CRYBG3: variants seen among roughly 807,000 people sequenced by gnomAD.
CRYBG3 encodes the protein very large A-kinase anchor protein.
Under a neutral mutation model 244.2 loss-of-function variants are expected in CRYBG3, and 127 were observed. The ratio of observed to expected loss-of-function variants is 0.52; its 90% CI spans 0.45 to 0.60. The LOEUF is 0.60. Ranked by LOEUF, CRYBG3 falls within the 20% of genes least tolerant of loss-of-function variation. The pLI, the probability that CRYBG3 is intolerant of heterozygous loss-of-function variation, is 0.00. For synonymous variants in CRYBG3, 1,132 were observed against 1,195.8 expected, an observed-to-expected ratio of 0.95 and a Z score of 1.10; for missense variants, 3,325 against 3,442.5, an observed-to-expected ratio of 0.97 and a Z score of 0.85.
chr3:97,905,986 A>G (rs1238791930), intron 15 of CRYBG3, among the ~76,000 whole-genome samples: 4 of 146,194 alleles, frequency 2.7e-5, no homozygotes, highest in East Asian at 4.0e-4. Flanking sequence ...TCCCAGCACC[A>G]TTTATTAAAT....
rs772860510 is a variant in CRYBG3 at position 97,900,498 on chromosome 3, AT to A, written c.8004+14del. The stretch of plus-strand genomic sequence containing the variant: ...ACCTCCGCATTTGGTATGTTTAAAA[AT>A]ATTCTTGTAATTGTTAAATTGTTTA... On this transcript the variant is annotated intron_variant, in intron 15 of 21. Transcript: ENST00000389622. The A allele has an allele frequency of 1.4e-5, 21 of 1,499,908 alleles. No homozygotes were observed. The highest frequency in any genetic ancestry group is 1.5e-5 in the Non-Finnish European group (16 of 1,080,498). The allele number at this position is 1,499,908 out of a possible 1,614,324, so 92.9% of individuals were successfully genotyped here. A position where few individuals can be genotyped will look rare whatever the true frequency, so the allele number is the denominator to read the frequency against.
rs1409789576 is a variant in CRYBG3 at position 97,889,533 on chromosome 3, T to G, written c.7440+143T>G. 4 of 687,176 alleles carry G rather than the reference T, an allele frequency of 5.8e-6. No individual in the cohort carries two copies. The Admixed American group carries it at 7.3e-5, about 13-fold the overall frequency. 42.6% of individuals were successfully genotyped at this position (687,176 alleles called of 1,614,324 possible). ...GGATTTTGGGGAGGTGGGAAGTGAA[T>G]GCACAAAATGTTTGATGAGGGCCCA... On this transcript the variant is annotated intron_variant, in intron 10 of 21. Transcript: ENST00000389622.
intron 19 of CRYBG3, among the ~76,000 whole-genome samples, chr3:97,938,252 C>A (rs1466302148): frequency 1.3e-5 from 2 of 152,126 alleles, no homozygotes; most frequent in Admixed American, 6.6e-5. Context: ...CTACCTGTGA[C>A]AATAAAAGCA....
intron 2 of CRYBG3, among the ~76,000 whole-genome samples, chr3:97,851,919 T>C (rs2038991890): frequency 6.6e-6 from 1 of 152,176 alleles, no homozygotes; most frequent in Non-Finnish European, 1.5e-5. Flanking sequence ...ATAACACTAT[T>C]CTAGGGGGCG....
chr3:97,872,034 G>A lies in CRYBG3; in HGVS notation c.840G>A (p.Leu280=). 6.5e-7 allele frequency: 1 copy of A among 1,535,690 alleles called. No individual in the cohort carries two copies. Among genetic ancestry groups the A allele is most frequent in the Non-Finnish European group, 8.7e-7 (1 of 1,146,656 alleles). ...DPGSEIEAGV[L]PLLLSASTDS... ...GAAGTGAGATTGAGGCTGGGGTACTGCCACTGTTGTTATCAGCTAGTACAG... is the reference window on the plus strand; with the variant it reads ...GAAGTGAGATTGAGGCTGGGGTACTACCACTGTTGTTATCAGCTAGTACAG... Residue 280 remains leucine, a synonymous_variant, in exon 4 of 22, where the codon CTG becomes CTA. Coordinates refer to ENST00000389622, the MANE Select transcript of CRYBG3 (RefSeq NM_153605.4).
chr3:97,849,444 A>C lies in CRYBG3; in HGVS notation c.216+6183A>C, dbSNP rs568667261. 2.6e-5 allele frequency among the ~76,000 whole-genome samples: 4 copies of C among 152,284 alleles called. No individual in the cohort carries two copies. In the East Asian group the frequency reaches 7.7e-4, roughly 29 times the overall value. On this transcript the variant is annotated intron_variant, in intron 2 of 21. Coordinates refer to ENST00000389622, the MANE Select transcript of CRYBG3 (RefSeq NM_153605.4). ...CTTGCCTCTTGATTGCTTCTAAAAA[A>C]AAAAAGTGAGTGCTACTGGAGTGCC...
At chr3:97,930,946 T>C (rs1267318503) in intron 17 of CRYBG3, among the ~76,000 whole-genome samples, 1 of 152,048 alleles carries the variant, frequency 6.6e-6, no homozygotes, top group Non-Finnish European at 1.5e-5. Flanking sequence ...CTTTCCAAAG[T>C]GATCTTTTTC....
In CRYBG3 at chr3:97,907,324, C is replaced by T. The variant is rs145476751; in HGVS notation, c.8005-4843C>T. On this transcript the variant is annotated intron_variant, in intron 15 of 21. Coordinates refer to ENST00000389622, the MANE Select transcript of CRYBG3 (RefSeq NM_153605.4). ...TGGAATAGTTTCAAAAGGATTGGTA[C>T]CAGTTCCTCCTTGTACCTCTGGTAG... Among the ~76,000 whole-genome samples, 106 of 152,228 alleles carry T rather than the reference C, an allele frequency of 7.0e-4. 1 individual carries two copies. The East Asian group carries it at 0.02, about 29-fold the overall frequency.
chr3:97,908,264 C>T (rs570597597), intron 15 of CRYBG3, among the ~76,000 whole-genome samples: 143 of 152,142 alleles, frequency 9.4e-4, no homozygotes, highest in African/African-American at 2.5e-3. Flanking sequence ...CTATTAGGTC[C>T]GCTTGGTGCA....
Position 97,875,325 on chromosome 3 carries a change from A to G in CRYBG3, c.4131A>G (p.Leu1377=), listed in dbSNP as rs993888215. 1.4e-5 allele frequency: 20 copies of G among 1,434,284 alleles called. No individual in the cohort carries two copies. In the African/African-American group the frequency reaches 1.9e-4, roughly 13 times the overall value. 88.8% of individuals were successfully genotyped at this position (1,434,284 alleles called of 1,614,324 possible). ...CACAAATTAGTGAAAATAAAGTATTAAATGAATTCTTCTCCCTAAGTAACT... is the reference window on the plus strand; with the variant it reads ...CACAAATTAGTGAAAATAAAGTATTGAATGAATTCTTCTCCCTAAGTAACT... ...QSTQISENKV[L]NEFFSLSNLA... The change falls in exon 4 of 22, where the codon TTA becomes TTG. Residue 1377 remains leucine (L), a synonymous_variant. Coordinates refer to ENST00000389622, the MANE Select transcript of CRYBG3 (RefSeq NM_153605.4).
At chr3:97,938,749 T>C (rs942903925) in intron 19 of CRYBG3, among the ~76,000 whole-genome samples, 9 of 152,184 alleles carry the variant, frequency 5.9e-5, no homozygotes, top group South Asian at 2.1e-4. Flanking sequence ...CAGTCTGATA[T>C]GGCTCTGGCT....
intron 12 of CRYBG3, among the ~76,000 whole-genome samples, chr3:97,896,922 C>G (rs570158733): frequency 6.6e-6 from 1 of 151,736 alleles, no homozygotes; most frequent in Non-Finnish European, 1.5e-5. Context: ...TTAGGGAGAA[C>G]TTTGGAAAGA....
intron 17 of CRYBG3, among the ~76,000 whole-genome samples, chr3:97,929,984 C>T (rs2040080538): frequency 6.6e-6 from 1 of 151,970 alleles, no homozygotes; most frequent in East Asian, 1.9e-4. Context: ...ACAATACCAG[C>T]GTTTTGAAAA....
rs1336009175 is a variant in CRYBG3 at position 97,876,911 on chromosome 3, A to G, written c.5717A>G (p.Glu1906Gly). Residue 1906 changes from glutamate (E) to glycine (G), a missense_variant, in exon 4 of 22, where the codon GAA becomes GGA. This residue lies in a region of CRYBG3 where 635 missense variants were observed against 771.7 expected (regional missense o/e 0.82). Coordinates refer to ENST00000389622, the MANE Select transcript of CRYBG3 (RefSeq NM_153605.4). ...PQEYAEGSVE[E>G]TKEEPTEIKE... ...GAGTATGCTGAAGGGAGTGTTGAAG[A>G]AACAAAGGAAGAGCCTACAGAAATA... is the stretch of plus-strand genomic sequence containing the variant. The G allele has an allele frequency of 6.9e-7, 1 of 1,451,618 alleles. No individual in the cohort carries two copies. The highest frequency in any genetic ancestry group is 9.1e-7 in the Non-Finnish European group (1 of 1,101,880). The allele number at this position is 1,451,618 out of a possible 1,614,324, so 89.9% of individuals were successfully genotyped here.
In CRYBG3 at chr3:97,941,281, A is replaced by G. The variant is rs778407321; in HGVS notation, c.8639A>G (p.Tyr2880Cys). The G allele has an allele frequency of 2.5e-6, 4 of 1,609,376 alleles. No homozygotes were observed. The highest frequency in any genetic ancestry group is 2.2e-5 in the South Asian group (2 of 90,598). The change falls in exon 20 of 22, where the codon TAC becomes TGC. Residue 2880 changes from tyrosine to cysteine, a missense_variant. Tyr to Cys is a radical substitution (Grantham distance 194). Transcript: ENST00000389622. ...GGAAAGAATACTCAGATCTGGTACT[A>G]CTGCCGAGGACTCTTTAAATCCAAG... ...YSGKNTQIWY[Y>C]CRGLFKSKAS...
At chr3:97,934,102 G>A (rs1322927115) in intron 18 of CRYBG3, among the ~76,000 whole-genome samples, 1 of 152,066 alleles carries the variant, frequency 6.6e-6, no homozygotes, top group Non-Finnish European at 1.5e-5. Context: ...GCAAGTGACT[G>A]CTGGCAAGAC....
Position 97,872,727 on chromosome 3 carries a change from G to T in CRYBG3, c.1533G>T (p.Lys511Asn), listed in dbSNP as rs1473431210. The change falls in exon 4 of 22, where the codon AAG (lysine) becomes AAT (asparagine). Residue 511 changes from lysine (K) to asparagine (N), a missense_variant. By Grantham distance (94) the Lys-to-Asn change is moderately conservative. Coordinates refer to ENST00000389622, the MANE Select transcript of CRYBG3 (RefSeq NM_153605.4). ...VTDTEFVNEG[K>N]RLSAQDSQKN... ...ACACAGAATTTGTAAATGAAGGAAA[G>T]AGATTGTCTGCCCAAGACTCACAGA... is the stretch of plus-strand genomic sequence containing the variant. 1 of 1,535,974 alleles carries T rather than the reference G, an allele frequency of 6.5e-7. No individual in the cohort carries two copies. Among genetic ancestry groups the T allele is most frequent in the Non-Finnish European group, 8.7e-7 (1 of 1,146,820 alleles).
intron 1 of CRYBG3, chr3:97,836,959 G>A (rs1330451337): frequency 6.6e-6 from 1 of 152,118 alleles, no homozygotes; most frequent in Non-Finnish European, 1.5e-5. Flanking sequence ...AGCAATGTGG[G>A]ATTTTAGATC....
chr3:97,934,695 T>G (rs909584563), intron 18 of CRYBG3, among the ~76,000 whole-genome samples: 2 of 114,538 alleles, frequency 1.7e-5, no homozygotes, highest in African/African-American at 5.7e-5. Context: ...TATTATACAC[T>G]TGTATAAATA....
Sources: allele counts gnomAD v4.1 joint callset (sites outside exome capture counted in the v4.1 genomes callset), GRCh38; gene constraint gnomAD v4.1.1; regional missense constraint gnomAD v4.1.1; transcripts MANE v1.5; gene names NCBI Gene and HGNC (gene_info 2026-07-23, HGNC 2026-07-21).